The following RIMS2 variants were observed in gnomAD, a reference collection of about 807,000 sequenced individuals.
RIMS2 encodes the protein regulating synaptic membrane exocytosis 2.
In RIMS2, 59 loss-of-function variants were observed where a neutral mutation model predicts 174.4. That is an observed-to-expected ratio of 0.34 (90% CI 0.27 to 0.42). The LOEUF (loss-of-function observed/expected upper bound fraction) is 0.42, where lower values mean the gene tolerates loss of function less well. Ranked by LOEUF, RIMS2 falls within the 10% of genes least tolerant of loss-of-function variation. The pLI, the probability that RIMS2 is intolerant of heterozygous loss-of-function variation, is 1.00. For synonymous variants in RIMS2, 606 were observed against 572.5 expected (o/e 1.06, Z -0.84); for missense variants, 1,620 against 1,666.3 (o/e 0.97, Z 0.48).
chr8:104,024,194 G>A (rs905325028), intron 19 of RIMS2, among the ~76,000 whole-genome samples: 4 of 152,170 alleles, frequency 2.6e-5, no homozygotes, highest in Non-Finnish European at 5.9e-5. Flanking sequence ...TGTTCACTTG[G>A]CTTCTTCTGA....
At chr8:103,587,236 C>G (rs1026973341) in intron 1 of RIMS2, among the ~76,000 whole-genome samples, 8 of 151,966 alleles carry the variant, frequency 5.3e-5, no homozygotes, top group Admixed American at 3.3e-4. Context: ...AAAGAAAGGT[C>G]TGTGAACCTG....
chr8:104,125,892 A>T (rs2098424820), intron 19 of RIMS2, among the ~76,000 whole-genome samples: 1 of 152,228 alleles, frequency 6.6e-6, no homozygotes, highest in African/African-American at 2.4e-5. Context: ...ATAGTTGATG[A>T]ATAAATGAAT....
chr8:103,716,982 C>T (rs1296093315), intron 2 of RIMS2, among the ~76,000 whole-genome samples: 1 of 151,986 alleles, frequency 6.6e-6, no homozygotes, highest in Non-Finnish European at 1.5e-5. Context: ...GCCATGGAGA[C>T]TGATGACTCC....
chr8:104,162,453 T>A (rs1047054891), intron 19 of RIMS2, among the ~76,000 whole-genome samples: 1 of 152,188 alleles, frequency 6.6e-6, no homozygotes, highest in African/African-American at 2.4e-5. Context: ...CAACTTGAGA[T>A]GTAAATATTA....
At chr8:103,652,753 G>A in intron 1 of RIMS2, 43 bp downstream of exon 3, 2 of 1,104,008 alleles carry the variant, frequency 1.8e-6, no homozygotes, top group Non-Finnish European at 2.5e-6. Flanking sequence ...ATCTCTGATA[G>A]TATAACATAC....
chr8:103,790,663 G>A (rs1482051939), intron 3 of RIMS2, among the ~76,000 whole-genome samples: 1 of 152,002 alleles, frequency 6.6e-6, no homozygotes, highest in Non-Finnish European at 1.5e-5. Context: ...TTTCCCTAAT[G>A]ACCAGTGATG....
intron 1 of RIMS2, among the ~76,000 whole-genome samples, chr8:103,580,057 C>T (rs903664596): frequency 2.0e-5 from 3 of 152,090 alleles, no homozygotes; most frequent in Non-Finnish European, 2.9e-5. Flanking sequence ...AATTACAATT[C>T]GACATGAGAT....
chr8:103,806,002 G>T (rs2098647736), intron 3 of RIMS2, among the ~76,000 whole-genome samples: 1 of 151,956 alleles, frequency 6.6e-6, no homozygotes, highest in African/African-American at 2.4e-5. Context: ...TTTCATTTCT[G>T]TGATATATAT....
intron 3 of RIMS2, among the ~76,000 whole-genome samples, chr8:103,791,485 G>A (rs199521854): frequency 6.6e-5 from 10 of 152,044 alleles, no homozygotes; most frequent in Non-Finnish European, 1.2e-4. Context: ...TGTAAAGACC[G>A]TCGATGCTAG....
At chr8:104,145,494 CT>C (rs1378906981) in intron 19 of RIMS2, among the ~76,000 whole-genome samples, 2 of 148,830 alleles carry the variant, frequency 1.3e-5, no homozygotes, top group African/African-American at 5.0e-5. Flanking sequence ...ACTTTAAACA[CT>C]TTTTCAAAAA....
intron 3 of RIMS2, among the ~76,000 whole-genome samples, chr8:103,840,553 G>A (rs895327422): frequency 6.6e-6 from 1 of 152,052 alleles, no homozygotes; most frequent in Non-Finnish European, 1.5e-5. Flanking sequence ...CACTGTGAAA[G>A]TGCTGCTGTG....
At chr8:103,795,047 A>T (rs538246489) in intron 3 of RIMS2, among the ~76,000 whole-genome samples, 1 of 152,326 alleles carries the variant, frequency 6.6e-6, no homozygotes, top group African/African-American at 2.4e-5. Context: ...GGGATCTAGA[A>T]CTAGAAATAC....
intron 2 of RIMS2, among the ~76,000 whole-genome samples, chr8:103,751,232 T>G (rs1266727189): frequency 6.6e-6 from 1 of 152,166 alleles, no homozygotes; most frequent in South Asian, 2.1e-4. Flanking sequence ...TTACTGAGAA[T>G]GATGGTTTCC....
chr8:103,607,347 T>C (rs2095153833), intron 1 of RIMS2, among the ~76,000 whole-genome samples: 1 of 152,106 alleles, frequency 6.6e-6, no homozygotes, highest in Non-Finnish European at 1.5e-5. Flanking sequence ...TCTTCTGGCT[T>C]GTAGGGTTTC....
chr8:103,585,128 A>G (rs780099694), intron 1 of RIMS2, among the ~76,000 whole-genome samples: 9 of 152,126 alleles, frequency 5.9e-5, no homozygotes, highest in Non-Finnish European at 1.2e-4. Context: ...GCGGCCAACA[A>G]ACATATGAAA....
intron 3 of RIMS2, among the ~76,000 whole-genome samples, chr8:103,849,491 A>G (rs529395859): frequency 6.6e-6 from 1 of 152,154 alleles, no homozygotes; most frequent in African/African-American, 2.4e-5. Flanking sequence ...CTGTGTGTTT[A>G]TGGGGAAGTG....
chr8:104,093,435 G>T, intron 19 of RIMS2, 36 bp from the exon 24 acceptor site: 1 of 1,476,456 alleles, frequency 6.8e-7, no homozygotes, highest in South Asian at 1.2e-5. Flanking sequence ...TGGTAATACT[G>T]ACAACTTCTG....
intron 4 of RIMS2, chr8:103,910,079 T>C: frequency 9.4e-7 from 1 of 1,063,276 alleles, no homozygotes; most frequent in Non-Finnish European, 1.4e-6. Flanking sequence ...AATGTCTCTG[T>C]CTGTCCCTTT....
chr8:103,766,568 G>A (rs575408391), intron 3 of RIMS2, 31 bp downstream of exon 6: 16 of 1,453,582 alleles, frequency 1.1e-5, no homozygotes, highest in East Asian at 2.3e-5. Context: ...TTAGGCAAAT[G>A]TATTACTTTT....
Sources: allele counts gnomAD v4.1 joint callset (sites outside exome capture counted in the v4.1 genomes callset), GRCh38; gene constraint gnomAD v4.1.1; transcripts MANE v1.5; gene names NCBI Gene and HGNC (gene_info 2026-07-23, HGNC 2026-07-21).